Variants in CDH8 observed in about 807,000 individuals in gnomAD.
CDH8 encodes cadherin 8.
A neutral mutation model predicts 68.1 loss-of-function variants in CDH8; 17 were observed. The observed-to-expected ratio is 0.25, with a 90% CI of 0.17 to 0.37. The LOEUF is 0.37. Ranked by LOEUF, CDH8 falls within the 10% of genes least tolerant of loss-of-function variation. The pLI, the probability that CDH8 is intolerant of heterozygous loss-of-function variation, is 1.00. For synonymous variants in CDH8, 372 were observed against 365.1 expected, an observed-to-expected ratio of 1.02 and a Z score of -0.21; for missense variants, 763 against 999.3, an observed-to-expected ratio of 0.76 and a Z score of 3.19.
At chr16:61,756,242 A>T (rs187675054) in intron 8 of CDH8, among the ~76,000 whole-genome samples, 1 of 152,298 alleles carries the variant, frequency 6.6e-6, no homozygotes. Flanking sequence ...TTTCTGTCAC[A>T]GTTGCCTCTT....
chr16:61,848,697 T>C (rs1479968849), intron 4 of CDH8, among the ~76,000 whole-genome samples: 2 of 152,066 alleles, frequency 1.3e-5, no homozygotes, highest in Non-Finnish European at 2.9e-5. Context: ...TTGTTGGGGG[T>C]ATACATCTGT....
chr16:61,688,726 G>A (rs1434663010), intron 10 of CDH8, among the ~76,000 whole-genome samples: 1 of 151,872 alleles, frequency 6.6e-6, no homozygotes, highest in African/African-American at 2.4e-5. Context: ...GAGACCTCAG[G>A]TAGATGGACA....
At chr16:61,700,434 C>T (rs756125806) in intron 10 of CDH8, among the ~76,000 whole-genome samples, 64 of 152,064 alleles carry the variant, frequency 4.2e-4, no homozygotes, top group Non-Finnish European at 8.4e-4. Flanking sequence ...ACACGTGCCA[C>T]AACGCCCAGG....
rs545670875 is a variant in CDH8 at position 61,820,314 on chromosome 16, G to GTTTTTTT, written c.1023+605_1023+611dup. 1.1e-4 allele frequency among the ~76,000 whole-genome samples: 10 copies of GTTTTTTT among 90,774 alleles called. No individual in the cohort carries two copies. The East Asian group carries it at 1.9e-3, about 17-fold the overall frequency. 59.6% of individuals were successfully genotyped at this position (90,774 alleles called of 152,430 possible). A position where few individuals can be genotyped will look rare whatever the true frequency, so the allele number is the denominator to read the frequency against. On this transcript the variant is annotated intron_variant, in intron 6 of 11. Transcript: ENST00000577390. ...TGAACCTGAATGTTCTGCCTGTTTG[G>GTTTTTTT]TTTTTTTTTTTTTTTTTTTTTTTTT...
At position 61,649,257 on chromosome 16, in the gene CDH8, A is replaced by G. The variant is rs1963269534; in HGVS notation, c.*4351T>C. On this transcript the variant is annotated 3_prime_UTR_variant, in exon 12 of 12. Coordinates refer to ENST00000577390, the MANE Select transcript of CDH8 (RefSeq NM_001796.5). ...TGTTCACAAATAAAAAGCTGCTTTT[A>G]AAACCCTTTACCCTCAATTCAACTT... 1 of 151,914 alleles carries G rather than the reference A, an allele frequency of 6.6e-6. No homozygotes were observed. The allele number at this position is 151,914 out of a possible 1,614,324, so 9.4% of individuals were successfully genotyped here. A position where few individuals can be genotyped will look rare whatever the true frequency, so the allele number is the denominator to read the frequency against.
chr16:61,647,348 C>T lies in CDH8; in HGVS notation c.*6260G>A, dbSNP rs1963227266. 1.3e-5 allele frequency: 2 copies of T among 148,732 alleles called. No individual in the cohort carries two copies. Among genetic ancestry groups the T allele is most frequent in the Admixed American group, 6.7e-5 (1 of 14,840 alleles). The allele number at this position is 148,732 out of a possible 1,614,324, so 9.2% of individuals were successfully genotyped here. A position where few individuals can be genotyped will look rare whatever the true frequency, so the allele number is the denominator to read the frequency against. The stretch of plus-strand genomic sequence containing the variant: ...TAACATTGAGCCAAAAACATCCATT[C>T]ACATACTCAACAATCAGACTTGACA... On this transcript the variant is annotated 3_prime_UTR_variant, in exon 12 of 12. Transcript: ENST00000577390.
intron 10 of CDH8, among the ~76,000 whole-genome samples, chr16:61,679,202 A>C (rs1411276228): frequency 1.3e-5 from 2 of 152,066 alleles, no homozygotes; most frequent in East Asian, 3.9e-4. Context: ...TCAGTCTATG[A>C]TGAATTCTTT....
chr16:61,753,504 T>C (rs933358515), intron 8 of CDH8, among the ~76,000 whole-genome samples: 1 of 152,144 alleles, frequency 6.6e-6, no homozygotes, highest in African/African-American at 2.4e-5. Flanking sequence ...CTTCCCAAAG[T>C]GCTCGGATTA....
chr16:61,829,523 T>C (rs1193412154), intron 4 of CDH8, among the ~76,000 whole-genome samples: 1 of 151,860 alleles, frequency 6.6e-6, no homozygotes, highest in African/African-American at 2.4e-5. Flanking sequence ...AATAATGTAC[T>C]GCGGTCCAGG....
chr16:61,985,705 C>T (rs914580894), intron 2 of CDH8, among the ~76,000 whole-genome samples: 1 of 152,048 alleles, frequency 6.6e-6, no homozygotes, highest in African/African-American at 2.4e-5. Flanking sequence ...GTTGGTCAGG[C>T]TGGTCTCGAA....
At chr16:61,693,651 T>C (rs573849951) in intron 10 of CDH8, 112 of 152,246 alleles carry the variant, frequency 7.4e-4, no homozygotes, top group African/African-American at 2.5e-3. Flanking sequence ...GAGTTATGCA[T>C]AAAAAACACC....
intron 3 of CDH8, among the ~76,000 whole-genome samples, chr16:61,884,160 C>A (rs1051492616): frequency 6.6e-6 from 1 of 152,058 alleles, no homozygotes; most frequent in South Asian, 2.1e-4. Context: ...GAGCTAGGTA[C>A]AACTGACCTT....
intron 3 of CDH8, among the ~76,000 whole-genome samples, chr16:61,893,243 C>T (rs926508979): frequency 6.6e-6 from 1 of 152,090 alleles, no homozygotes; most frequent in African/African-American, 2.4e-5. Context: ...CTTTTTAGAT[C>T]GACACCGATC....
At chr16:61,847,826 A>C (rs1336721665) in intron 4 of CDH8, among the ~76,000 whole-genome samples, 1 of 151,596 alleles carries the variant, frequency 6.6e-6, no homozygotes, top group Non-Finnish European at 1.5e-5. Flanking sequence ...ATAAAAGATT[A>C]CTGTCTATAT....
intron 7 of CDH8, among the ~76,000 whole-genome samples, chr16:61,803,711 G>A (rs537319729): frequency 6.7e-6 from 1 of 148,868 alleles, no homozygotes; most frequent in Admixed American, 6.7e-5. Flanking sequence ...AAGATCAAAA[G>A]AGACAAAGAA....
intron 3 of CDH8, among the ~76,000 whole-genome samples, chr16:61,863,808 C>G (rs780845108): frequency 9.2e-5 from 14 of 152,156 alleles, no homozygotes; most frequent in Admixed American, 2.0e-4. Flanking sequence ...GCTAGTTATC[C>G]TGTTCCAAGT....
At chr16:61,837,761 C>T (rs1031010128) in intron 4 of CDH8, among the ~76,000 whole-genome samples, 5 of 152,014 alleles carry the variant, frequency 3.3e-5, no homozygotes, top group Non-Finnish European at 5.9e-5. Context: ...GTGGTCCTTA[C>T]GCACATAGAC....
At chr16:61,751,301 C>T (rs1960151129) in intron 8 of CDH8, among the ~76,000 whole-genome samples, 1 of 134,650 alleles carries the variant, frequency 7.4e-6, no homozygotes, top group Admixed American at 8.4e-5. Flanking sequence ...AGTGGAATTA[C>T]ATACTACCAG....
intron 8 of CDH8, among the ~76,000 whole-genome samples, chr16:61,738,322 C>A (rs770187556): frequency 2.6e-5 from 4 of 152,142 alleles, no homozygotes; most frequent in Non-Finnish European, 5.9e-5. Context: ...TTATTACATT[C>A]GTCTTCAGTG....
Sources: allele counts gnomAD v4.1 joint callset (sites outside exome capture counted in the v4.1 genomes callset), GRCh38; gene constraint gnomAD v4.1.1; transcripts MANE v1.5; gene names NCBI Gene and HGNC (gene_info 2026-07-23, HGNC 2026-07-21).